Variants in PTPRT observed in about 807,000 individuals in gnomAD.
PTPRT encodes the protein receptor-type tyrosine-protein phosphatase T.
PTPRT carries 56 observed loss-of-function variants against 176.8 expected under a neutral mutation model. The observed-to-expected ratio is 0.32, with a 90% confidence interval of 0.26 to 0.40. PTPRT has a LOEUF of 0.40. Among genes scored for constraint, PTPRT ranks in the 10% least tolerant of loss-of-function variants. The pLI is 1.00. For missense variants in PTPRT, 1,540 were observed against 1,908.2 expected (o/e 0.81, Z 3.60); for synonymous variants, 783 against 739.0 (o/e 1.06, Z -0.96).
intron 1 of PTPRT, among the ~76,000 whole-genome samples, chr20:42,939,374 A>G (rs910811328): frequency 3.9e-5 from 6 of 152,152 alleles, no homozygotes; most frequent in Non-Finnish European, 8.8e-5. Context: ...GCTTCTACCA[A>G]CACTGGCTCA....
At chr20:42,401,366 C>A (rs570441102) in intron 9 of PTPRT, among the ~76,000 whole-genome samples, 1 of 151,746 alleles carries the variant, frequency 6.6e-6, no homozygotes, top group Admixed American at 6.6e-5. Context: ...GCAGGGGTTA[C>A]GGAGTTAGGT....
chr20:42,841,620 C>G (rs987745378), intron 2 of PTPRT, among the ~76,000 whole-genome samples: 2 of 66,620 alleles, frequency 3.0e-5, no homozygotes, highest in African/African-American at 9.7e-5. Context: ...TACACACACA[C>G]ACACACACAC....
rs187940107 is a variant in PTPRT at position 42,758,201 on chromosome 20, T to C, written c.685-1565A>G. Among the ~76,000 whole-genome samples the C allele has an allele frequency of 3.5e-4, 53 of 152,358 alleles. 1 individual carries two copies. Among genetic ancestry groups the C allele is most frequent in the African/African-American group, 1.2e-3 (51 of 41,584 alleles). On this transcript the variant is annotated intron_variant, in intron 5 of 30. Coordinates refer to ENST00000373187, the MANE Select transcript of PTPRT (RefSeq NM_007050.6). ...GGACTTAGGGAAACCTTATGACTTA[T>C]GATTCTCATGCCCTGAGTCTCCCAG...
rs772303757 is a variant in PTPRT, at chr20:42,791,353, A to T, written c.328T>A (p.Ser110Thr). ...CCTGGGCTGGACCTGTCACGGCTGG[A>T]GAAGTAGTAATGGAAGTCGATGCAG... is the stretch of plus-strand genomic sequence containing the variant. ...THCIDFHYYF[S>T]SRDRSSPGAL... The change falls in exon 3 of 31, where the codon TCC (serine) becomes ACC (threonine). Residue 110 changes from serine to threonine, a missense_variant. By Grantham distance (58) the Ser-to-Thr change is moderately conservative. Transcript: ENST00000373187. 1 of 1,613,896 alleles carries T rather than the reference A, an allele frequency of 6.2e-7. No homozygotes were observed. The highest frequency in any genetic ancestry group is 8.5e-7 in the Non-Finnish European group (1 of 1,179,980).
chr20:42,870,432 T>C (rs374729568), intron 2 of PTPRT, among the ~76,000 whole-genome samples: 2 of 152,212 alleles, frequency 1.3e-5, no homozygotes, highest in African/African-American at 2.4e-5. Context: ...GTTGCTTCCA[T>C]CTCTTGGCTA....
chr20:42,995,013 T>C (rs918467205), intron 1 of PTPRT, among the ~76,000 whole-genome samples: 3 of 152,198 alleles, frequency 2.0e-5, no homozygotes, highest in Admixed American at 6.5e-5. Context: ...GAATTTGTCA[T>C]AGAAAAGCAA....
intron 7 of PTPRT, among the ~76,000 whole-genome samples, chr20:42,658,384 C>A (rs561769702): frequency 3.2e-4 from 49 of 152,258 alleles, no homozygotes; most frequent in African/African-American, 9.6e-4. Flanking sequence ...AGCCTTCTTG[C>A]GCTTAGGAAC....
chr20:42,923,540 A>C (rs1979290502), intron 1 of PTPRT, among the ~76,000 whole-genome samples: 1 of 152,242 alleles, frequency 6.6e-6, no homozygotes, highest in South Asian at 2.1e-4. Flanking sequence ...TCTAAGTGAC[A>C]ACACACTTTT....
chr20:42,889,375 C>T (rs996638175), intron 1 of PTPRT, among the ~76,000 whole-genome samples: 1 of 152,248 alleles, frequency 6.6e-6, no homozygotes, highest in Non-Finnish European at 1.5e-5. Context: ...CTCTTTGCCT[C>T]TGCAGAAGAA....
intron 11 of PTPRT, among the ~76,000 whole-genome samples, chr20:42,316,945 A>C (rs1305353810): frequency 6.6e-6 from 1 of 152,124 alleles, no homozygotes; most frequent in Non-Finnish European, 1.5e-5. Flanking sequence ...ATATCATGAG[A>C]TGGGACTACT....
At chr20:42,476,535 T>C (rs973869666) in intron 7 of PTPRT, among the ~76,000 whole-genome samples, 2 of 152,082 alleles carry the variant, frequency 1.3e-5, no homozygotes, top group African/African-American at 4.8e-5. Flanking sequence ...CCTTGGAAAA[T>C]GTGCTCATGT....
At chr20:42,249,220 G>A (rs1324708653) in intron 13 of PTPRT, among the ~76,000 whole-genome samples, 2 of 152,052 alleles carry the variant, frequency 1.3e-5, no homozygotes, top group African/African-American at 4.8e-5. Flanking sequence ...TCAGGTAAAT[G>A]GTGGAAATAA....
At chr20:42,618,902 A>C (rs2145849004) in intron 7 of PTPRT, among the ~76,000 whole-genome samples, 1 of 150,548 alleles carries the variant, frequency 6.6e-6, no homozygotes, top group East Asian at 2.0e-4. Flanking sequence ...CCAACTTGCC[A>C]GTCTGTGTCT....
intron 15 of PTPRT, among the ~76,000 whole-genome samples, chr20:42,207,086 C>G (rs2055490734): frequency 1.3e-5 from 2 of 152,034 alleles, no homozygotes; most frequent in Non-Finnish European, 2.9e-5. Context: ...AGGGTCCTAT[C>G]TGTTAGAAGG....
In PTPRT at chr20:42,865,330, G is replaced by A. The variant is rs915311315; in HGVS notation, c.214+20477C>T. On this transcript the variant is annotated intron_variant, in intron 2 of 30. Coordinates refer to ENST00000373187, the MANE Select transcript of PTPRT (RefSeq NM_007050.6). ...AGACCCGGATCTCCTGAGACCCACT[G>A]AGCACCATGCTCTGAACCACAAGTG... Among the ~76,000 whole-genome samples the A allele has an allele frequency of 4.6e-5, 7 of 152,180 alleles. 1 individual carries two copies. Among genetic ancestry groups the A allele is most frequent in the Admixed American group, 1.3e-4 (2 of 15,280 alleles).
chr20:42,429,176 T>C (rs2059193511), intron 9 of PTPRT, among the ~76,000 whole-genome samples: 2 of 152,160 alleles, frequency 1.3e-5, no homozygotes, highest in South Asian at 4.1e-4. Context: ...TAGTGATCCT[T>C]ACCTTGAAGG....
chr20:42,859,579 T>A lies in PTPRT; in HGVS notation c.214+26228A>T, dbSNP rs968137238. On this transcript the variant is annotated intron_variant, in intron 2 of 30. Coordinates refer to ENST00000373187, the MANE Select transcript of PTPRT (RefSeq NM_007050.6). ...ATCTGAGCTCAGTTTGTTTATTTTT[T>A]TTTTTAATTTTTTTTTTTTTTTGAG... Among the ~76,000 whole-genome samples the A allele has an allele frequency of 2.6e-4, 35 of 134,548 alleles. 1 individual carries two copies. Among genetic ancestry groups the A allele is most frequent in the Non-Finnish European group, 1.9e-4 (12 of 64,662 alleles). 88.3% of individuals were successfully genotyped at this position (134,548 alleles called of 152,430 possible).
intron 6 of PTPRT, among the ~76,000 whole-genome samples, chr20:42,694,990 G>A (rs1348392336): frequency 6.6e-6 from 1 of 152,200 alleles, no homozygotes; most frequent in Non-Finnish European, 1.5e-5. Context: ...TGGCCAGGCG[G>A]GGGTGGCTCA....
chr20:43,098,599 G>A (rs936692935), intron 1 of PTPRT, among the ~76,000 whole-genome samples: 1 of 147,196 alleles, frequency 6.8e-6, no homozygotes, highest in East Asian at 2.0e-4. Flanking sequence ...AGATTTCACC[G>A]AAGAACCAGC....
Sources: gnomAD v4.1 joint callset for allele counts (sites outside exome capture counted in the v4.1 genomes callset) on GRCh38, gnomAD v4.1.1 for gene constraint, MANE v1.5 for transcripts, NCBI Gene and HGNC (gene_info 2026-07-23, HGNC 2026-07-21) for gene names.